SOAT2: variants seen among roughly 807,000 people sequenced by gnomAD.
The protein encoded by SOAT2 is ACAT-2.
Under a neutral mutation model 76.0 loss-of-function variants are expected in SOAT2, and 87 were observed. That is an observed-to-expected ratio of 1.14 (90% CI 0.96 to 1.37). The LOEUF (loss-of-function observed/expected upper bound fraction) is 1.37. Among genes scored for constraint, SOAT2 ranks in the 40% most tolerant of loss-of-function variants. The pLI is 0.00. For missense variants in SOAT2, 686 were observed against 682.1 expected, an observed-to-expected ratio of 1.01 and a Z score of -0.06; for synonymous variants, 285 against 275.4, an observed-to-expected ratio of 1.03 and a Z score of -0.34.
rs151267658 is a variant in SOAT2 at position 53,115,489 on chromosome 12, G to A, written c.543G>A (p.Pro181=). The A allele has an allele frequency of 3.4e-5, 55 of 1,610,820 alleles. No homozygotes were observed. The African/African-American group carries it at 5.2e-4, about 15-fold the overall frequency. The change falls in exon 6 of 15, where the codon CCG becomes CCA. Residue 181 remains proline (P), a synonymous_variant. Transcript: ENST00000301466. ...TGTTTCTGTCCACCCTGTTGGCGCC[G>A]TACCAGGCCCTACGGCTGTGGGCCA... ...VPMFLSTLLA[P]YQALRLWARG...
chr12:53,123,700 G>A (rs1244274556), intron 13 of SOAT2, 28 bp from the exon 14 acceptor site: 2 of 1,613,666 alleles, frequency 1.2e-6, no homozygotes, highest in African/African-American at 1.3e-5. Context: ...TCCTGGAGCT[G>A]GAATGACAAC....
In SOAT2 at chr12:53,103,650, T is replaced by C. The variant is rs899171644; in HGVS notation, c.73T>C (p.Cys25Arg). ...GLGGERERQP[C>R]GDGNTETHRA... ...GGGAGGGGAGCGGGAGCGCCAACCC[T>C]GTGGAGATGGTGAGCCGCCCTCGGG... The change falls in exon 1 of 15, where the codon TGT (cysteine) becomes CGT (arginine). Residue 25 changes from cysteine (C) to arginine (R), a missense_variant. Cys to Arg is a radical substitution (Grantham distance 180, BLOSUM62 -3). Coordinates refer to ENST00000301466, the MANE Select transcript of SOAT2 (RefSeq NM_003578.4). 23 of 1,533,168 alleles carry C rather than the reference T, an allele frequency of 1.5e-5. No individual in the cohort carries two copies. The highest frequency in any genetic ancestry group is 2.1e-5 in the Admixed American group (1 of 48,288). The allele number at this position is 1,533,168 out of a possible 1,614,324, so 95.0% of individuals were successfully genotyped here. A position where few individuals can be genotyped will look rare whatever the true frequency, so the allele number is the denominator to read the frequency against.
intron 5 of SOAT2, among the ~76,000 whole-genome samples, chr12:53,107,236 AG>A (rs1470465986): frequency 2.0e-4 from 31 of 152,044 alleles, no homozygotes; most frequent in Admixed American, 1.3e-3. Flanking sequence ...TCCTGCTGAG[AG>A]GGGGTCGTCG....
chr12:53,105,152 G>A lies in SOAT2; in HGVS notation c.184G>A (p.Glu62Lys). The A allele has an allele frequency of 1.3e-6, 2 of 1,575,620 alleles. No individual in the cohort carries two copies. Among genetic ancestry groups the A allele is most frequent in the South Asian group, 1.2e-5 (1 of 85,838 alleles). ...LLEQAQGQLRELLDRAMREAI... is the reference protein window; with the variant it reads ...LLEQAQGQLRKLLDRAMREAI... ...GGAGCAAGCGCAGGGACAACTGAGG[G>A]AGCTGCTGGATCGGGCCATGCGGGA... The change falls in exon 3 of 15, where the codon GAG becomes AAG. Residue 62 changes from glutamate to lysine, a missense_variant. Physicochemically the swap from Glu to Lys is moderately conservative, Grantham distance 56. Coordinates refer to ENST00000301466, the MANE Select transcript of SOAT2 (RefSeq NM_003578.4).
chr12:53,115,690 C>A, intron 6 of SOAT2, 36 bp downstream of exon 6: 1 of 1,477,472 alleles, frequency 6.8e-7, no homozygotes, highest in Non-Finnish European at 8.9e-7. Flanking sequence ...CAGGAAGGAA[C>A]CAGCTGGTGG....
intron 5 of SOAT2, among the ~76,000 whole-genome samples, chr12:53,111,807 A>AGTC: frequency 6.6e-6 from 1 of 152,260 alleles, no homozygotes; most frequent in African/African-American, 2.4e-5. Flanking sequence ...CATAAACTTG[A>AGTC]AAAAGCATTT....
intron 5 of SOAT2, among the ~76,000 whole-genome samples, chr12:53,107,658 C>T (rs1310294067): frequency 3.9e-5 from 5 of 126,878 alleles, no homozygotes; most frequent in African/African-American, 1.8e-4. Flanking sequence ...AGTCTTGGTC[C>T]GTTGCCCAGG....
chr12:53,118,909 A>T lies in SOAT2; in HGVS notation c.883A>T (p.Asn295Tyr), dbSNP rs759703489. ...CTGCAGGACGCCCTATGTCAGGTGG[A>T]ATTATGTGGCCAAGAACTTTGCCCA... is the stretch of plus-strand genomic sequence containing the variant. ...TYPRTPYVRWNYVAKNFAQAL... is the reference protein window; with the variant it reads ...TYPRTPYVRWYYVAKNFAQAL... Residue 295 changes from asparagine (N) to tyrosine (Y), a missense_variant, in exon 9 of 15, where the codon AAT (asparagine) becomes TAT (tyrosine). Transcript: ENST00000301466. 6.2e-7 allele frequency: 1 copy of T among 1,613,988 alleles called. No homozygotes were observed. Among genetic ancestry groups the T allele is most frequent in the South Asian group, 1.1e-5 (1 of 91,068 alleles).
At chr12:53,113,970 C>A (rs757341360) in intron 5 of SOAT2, among the ~76,000 whole-genome samples, 62 of 151,950 alleles carry the variant, frequency 4.1e-4, no homozygotes, top group Non-Finnish European at 8.2e-4. Flanking sequence ...TTCAGACCCC[C>A]AATAAAACTT....
At chr12:53,124,031 C>T in intron 14 of SOAT2, 42 bp from the exon 15 acceptor site, 1 of 1,612,456 alleles carries the variant, frequency 6.2e-7, no homozygotes, top group Non-Finnish European at 8.5e-7. Flanking sequence ...GGTTGAGTCA[C>T]CAGGAATGAT....
chr12:53,106,006 TGAGGGCAGGTAG>T lies in SOAT2; in HGVS notation c.437_443+5del, dbSNP rs761261373. The T allele has an allele frequency of 3.1e-6, 5 of 1,612,896 alleles. No homozygotes were observed. In the East Asian group the frequency reaches 8.9e-5, roughly 29 times the overall value. ...GCACCCTGGCCATCGACTTCATTGA[TGAGGGCAGGTAG>T]GTCCCCTTCCCACCTGGGACAGGCA... On this transcript the variant is annotated splice_donor_variant and splice_donor_region_variant and coding_sequence_variant and intron_variant, in exon 5 of 15. Coordinates refer to ENST00000301466, the MANE Select transcript of SOAT2 (RefSeq NM_003578.4). LOFTEE classifies it high-confidence loss of function.
intron 12 of SOAT2, 144 bp downstream of exon 12, chr12:53,121,545 T>G: frequency 1.5e-6 from 1 of 651,340 alleles, no homozygotes; most frequent in Non-Finnish European, 2.7e-6. Context: ...GTCCTCATTT[T>G]CTCATTTTAC....
At chr12:53,105,422 T>C in intron 3 of SOAT2, 139 bp from the exon 4 acceptor site, 2 of 1,191,718 alleles carry the variant, frequency 1.7e-6, no homozygotes, top group Non-Finnish European at 2.4e-6. Context: ...GGCCCTGACC[T>C]TCTACCCGGT....
Position 53,115,513 on chromosome 12 carries a change from C to T in SOAT2, c.567C>T (p.Ala189=). ...LAPYQALRLW[A]RGTWTQATGL... is the part of the protein sequence containing the mutation. ...CGTACCAGGCCCTACGGCTGTGGGC[C>T]AGGGGCACCTGGACGCAGGCGACGG... The change falls in exon 6 of 15, where the codon GCC becomes GCT. Residue 189 remains alanine (A), a synonymous_variant. Transcript: ENST00000301466. 6.2e-7 allele frequency: 1 copy of T among 1,607,656 alleles called. No individual in the cohort carries two copies. The highest frequency in any genetic ancestry group is 8.5e-7 in the Non-Finnish European group (1 of 1,179,168).
At chr12:53,122,550 C>G (rs1266552093) in intron 12 of SOAT2, among the ~76,000 whole-genome samples, 1 of 151,734 alleles carries the variant, frequency 6.6e-6, no homozygotes, top group Non-Finnish European at 1.5e-5. Context: ...CAGCATGCTG[C>G]CTTCAAGCAT....
chr12:53,115,702 G>T (rs759958624), intron 6 of SOAT2, 48 bp downstream of exon 6: 3 of 1,460,934 alleles, frequency 2.1e-6, no homozygotes, highest in Non-Finnish European at 2.7e-6. Flanking sequence ...AGCTGGTGGG[G>T]CCATCTCAGC....
chr12:53,120,485 A>G (rs1938174107), intron 10 of SOAT2, among the ~76,000 whole-genome samples: 1 of 151,782 alleles, frequency 6.6e-6, no homozygotes, highest in Admixed American at 6.6e-5. Flanking sequence ...TAATAATAAA[A>G]AAAATTAGCT....
chr12:53,122,124 ATT>A (rs1938199099), intron 12 of SOAT2, among the ~76,000 whole-genome samples: 1 of 150,238 alleles, frequency 6.7e-6, no homozygotes, highest in African/African-American at 2.4e-5. Context: ...CTTAAATAAG[ATT>A]GATGTCACCC....
At chr12:53,123,680 G>A (rs918392498) in intron 13 of SOAT2, 48 bp from the exon 14 acceptor site, 66 of 1,609,396 alleles carry the variant, frequency 4.1e-5, no homozygotes, top group Non-Finnish European at 5.5e-5. Flanking sequence ...AAGCCAGGGA[G>A]ACAAGGCACT....
Sources: allele counts gnomAD v4.1 joint callset (sites outside exome capture counted in the v4.1 genomes callset), GRCh38; gene constraint gnomAD v4.1.1; transcripts MANE v1.5; gene names NCBI Gene and HGNC (gene_info 2026-07-23, HGNC 2026-07-21).